The following NRXN2 variants were observed in gnomAD, a reference collection of about 807,000 sequenced individuals.
NRXN2 encodes the protein neurexin-2-beta.
In NRXN2, 29 loss-of-function variants were observed where a neutral mutation model predicts 128.8. That is an observed-to-expected ratio of 0.23 (90% CI 0.17 to 0.31). The LOEUF (loss-of-function observed/expected upper bound fraction) is 0.31, where lower values mean the gene tolerates loss of function less well. Ranked by LOEUF, NRXN2 falls within the 10% of genes least tolerant of loss-of-function variation. NRXN2 has a pLI of 1.00. For missense variants in NRXN2, 1,881 were observed against 2,452.6 expected (o/e 0.77, Z 4.92); for synonymous variants, 1,098 against 1,075.2 (o/e 1.02, Z -0.41).
chr11:64,667,387 A>C lies in NRXN2; in HGVS notation c.1661T>G (p.Phe554Cys). 6.2e-7 allele frequency: 1 copy of C among 1,614,184 alleles called. No homozygotes were observed. The highest frequency in any genetic ancestry group is 8.5e-7 in the Non-Finnish European group (1 of 1,180,030). ...SHSSAQRADY[F>C]AMELLDGHLY... The stretch of plus-strand genomic sequence containing the variant: ...GTGGCCGTCCAATAGCTCCATGGCA[A>C]AGTAGTCGGCCCGCTGAGCAGAGCT... Residue 554 changes from phenylalanine to cysteine, a missense_variant, in exon 9 of 23, where the codon TTT (phenylalanine) becomes TGT (cysteine). Physicochemically the swap from Phe to Cys is radical, Grantham distance 205. Around this residue, in one of 7 missense-constraint regions of NRXN2, gnomAD observed 997 missense variants for 1,240.8 expected, o/e 0.80. Coordinates refer to ENST00000265459, the MANE Select transcript of NRXN2 (RefSeq NM_015080.4). The surrounding 1 kb of genome is among the most constrained non-coding windows in gnomAD (Gnocchi z 5.6).
chr11:64,619,302 T>C (rs1162572514), intron 22 of NRXN2, among the ~76,000 whole-genome samples: 1 of 151,708 alleles, frequency 6.6e-6, no homozygotes, highest in Non-Finnish European at 1.5e-5. Context: ...CCCACACTCC[T>C]CCACTGGGAA....
intron 11 of NRXN2, 55 bp from the exon 12 acceptor site, chr11:64,653,777 GT>G (rs563198102): frequency 0.097 from 94,328 of 969,336 alleles, 46 homozygotes; most frequent in South Asian, 0.12. Context: ...GGTAAAACAA[GT>G]TTTTTTTTTT....
intron 5 of NRXN2, among the ~76,000 whole-genome samples, chr11:64,686,809 A>G (rs147238669): frequency 6.9e-4 from 105 of 152,338 alleles, no homozygotes; most frequent in Middle Eastern, 6.8e-3. Flanking sequence ...ATGTATGTCC[A>G]TAGGCACCCG....
intron 17 of NRXN2, chr11:64,643,147 G>C: frequency 2.0e-6 from 2 of 981,286 alleles, no homozygotes; most frequent in South Asian, 9.5e-5. Flanking sequence ...AGTGGAGAGG[G>C]AGGGGAGCGC....
intron 17 of NRXN2, chr11:64,637,576 G>C (rs1031773244): frequency 6.6e-6 from 1 of 152,548 alleles, no homozygotes; most frequent in Admixed American, 6.5e-5. Flanking sequence ...AATTTGGGGG[G>C]TGGGGCGGGC....
intron 5 of NRXN2, among the ~76,000 whole-genome samples, 182 bp downstream of exon 5, chr11:64,690,223 T>G (rs1307392027): frequency 2.0e-5 from 3 of 152,172 alleles, no homozygotes; most frequent in African/African-American, 7.2e-5. Flanking sequence ...TTGTGGCCCT[T>G]CACATCAGGG....
At chr11:64,641,402 C>T (rs575037752) in intron 17 of NRXN2, among the ~76,000 whole-genome samples, 2 of 152,108 alleles carry the variant, frequency 1.3e-5, no homozygotes, top group South Asian at 4.2e-4. Flanking sequence ...ATGCAAGTGA[C>T]AGAAGTCCTG....
chr11:64,614,144 G>A (rs1565179856), intron 22 of NRXN2, among the ~76,000 whole-genome samples: 1 of 152,178 alleles, frequency 6.6e-6, no homozygotes, highest in Non-Finnish European at 1.5e-5. Flanking sequence ...AACAGTAAGA[G>A]AGAAAAGTGA....
rs372557408 is a variant in NRXN2 at position 64,611,034 on chromosome 11, G to A, written c.4253-2952C>T. Among the ~76,000 whole-genome samples, 10 of 152,326 alleles carry A rather than the reference G, an allele frequency of 6.6e-5. No individual in the cohort carries two copies. The East Asian group carries it at 1.7e-3, about 26-fold the overall frequency. ...TGACACCATATCCCAATTCTGTCCT[G>A]GAGGCATGGCTTTGTACTCACTGCC... On this transcript the variant is annotated intron_variant, in intron 22 of 22. Transcript: ENST00000265459.
intron 17 of NRXN2, among the ~76,000 whole-genome samples, chr11:64,644,150 A>C (rs917087412): frequency 2.6e-5 from 4 of 152,070 alleles, no homozygotes; most frequent in Non-Finnish European, 5.9e-5. Flanking sequence ...CCGTGCACAC[A>C]CACGTTTGAT....
chr11:64,709,907 CCTTT>C (rs2056726418), intron 2 of NRXN2, among the ~76,000 whole-genome samples: 1 of 150,732 alleles, frequency 6.6e-6, no homozygotes, highest in Non-Finnish European at 1.5e-5. Flanking sequence ...TTTTCTTCTT[CCTTT>C]TTTTTTTTTT....
chr11:64,683,272 C>A lies in NRXN2; in HGVS notation c.1152+2374G>T, dbSNP rs547827293. Among the ~76,000 whole-genome samples, 3 of 152,288 alleles carry A rather than the reference C, an allele frequency of 2.0e-5. No individual in the cohort carries two copies. The South Asian group carries it at 6.2e-4, about 32-fold the overall frequency. On this transcript the variant is annotated intron_variant, in intron 6 of 22. Coordinates refer to ENST00000265459, the MANE Select transcript of NRXN2 (RefSeq NM_015080.4). ...TCAAACCACTCCACCCATCATCACC[C>A]TTTTTATCATGTAAGTGTTGTTCCA...
At position 64,660,543 on chromosome 11, in the gene NRXN2, CAG is replaced by C; in HGVS notation, c.2186-10_2186-9del. The stretch of plus-strand genomic sequence containing the variant: ...AGCTCAGGACCGTGGCCTCTGCCCA[CAG>C]GAGTTGGGGAAGAGGGAAGGAGAAG... On this transcript the variant is annotated splice_polypyrimidine_tract_variant and intron_variant, in intron 10 of 22. Coordinates refer to ENST00000265459, the MANE Select transcript of NRXN2 (RefSeq NM_015080.4). This position sits in a 1 kb window ranked among gnomAD's most constrained non-coding sequence, Gnocchi z 5.2. The C allele has an allele frequency of 6.2e-7, 1 of 1,613,736 alleles. No homozygotes were observed.
chr11:64,671,525 G>A (rs1459088977), intron 7 of NRXN2, among the ~76,000 whole-genome samples: 2 of 152,148 alleles, frequency 1.3e-5, no homozygotes, highest in Admixed American at 1.3e-4. Context: ...TGGAAGGGGT[G>A]GGGCCGGTGG....
At position 64,630,415 on chromosome 11, in the gene NRXN2, C is replaced by T; in HGVS notation, c.3744G>A (p.Glu1248=). ...TLQVDSWPVN[E]RYPAGNFDNE... is the part of the protein sequence containing the mutation. ...CGCGCCGCCTACCTGCCGGGTACCG[C>T]TCGTTGACCGGCCAGCTGTCCACCT... Residue 1248 remains glutamate (E), a synonymous_variant, in exon 19 of 23, where the codon GAG becomes GAA. Coordinates refer to ENST00000265459, the MANE Select transcript of NRXN2 (RefSeq NM_015080.4). The surrounding 1 kb of genome is among the most constrained non-coding windows in gnomAD (Gnocchi z 4.6). The T allele has an allele frequency of 1.9e-6, 3 of 1,612,220 alleles. No individual in the cohort carries two copies. The highest frequency in any genetic ancestry group is 2.5e-6 in the Non-Finnish European group (3 of 1,179,560).
chr11:64,692,729 G>C, intron 4 of NRXN2, 118 bp downstream of exon 4: 1 of 1,051,692 alleles, frequency 9.5e-7, no homozygotes, highest in Non-Finnish European at 1.5e-6. Context: ...AGGAAGGAAG[G>C]TGTCAGGACA....
chr11:64,688,234 T>A, intron 5 of NRXN2: 6 of 946,680 alleles, frequency 6.3e-6, no homozygotes, highest in Non-Finnish European at 6.3e-6. Context: ...TCTCCTGGGG[T>A]GGGTGGCAAA....
At chr11:64,656,782 G>A (rs926825487) in intron 11 of NRXN2, among the ~76,000 whole-genome samples, 4 of 152,126 alleles carry the variant, frequency 2.6e-5, no homozygotes, top group Admixed American at 1.3e-4. Context: ...CCCAACTCAG[G>A]GGCTGCAGAC....
At chr11:64,706,638 T>G (rs1220937906) in intron 2 of NRXN2, among the ~76,000 whole-genome samples, 1 of 152,110 alleles carries the variant, frequency 6.6e-6, no homozygotes, top group Non-Finnish European at 1.5e-5. Context: ...TTCTCCTGCT[T>G]TAGGTTCTAC....
Sources: allele counts gnomAD v4.1 joint callset (sites outside exome capture counted in the v4.1 genomes callset), GRCh38; gene constraint gnomAD v4.1.1; regional missense constraint gnomAD v4.1.1; non-coding constraint Gnocchi (gnomAD v3.1); transcripts MANE v1.5; gene names NCBI Gene and HGNC (gene_info 2026-07-23, HGNC 2026-07-21).